The following PRELID2 variants were observed in gnomAD, a reference collection of about 807,000 sequenced individuals.
The protein encoded by PRELID2 is PRELI domain containing 2.
Under a neutral mutation model 28.4 loss-of-function variants are expected in PRELID2, and 25 were observed. The ratio of observed to expected loss-of-function variants is 0.88; its 90% CI spans 0.64 to 1.23. The LOEUF is 1.23. PRELID2 is among the 50% of genes most tolerant of loss of function. The pLI, the probability that PRELID2 is intolerant of heterozygous loss-of-function variation, is 0.00. For synonymous variants in PRELID2, 76 were observed against 71.6 expected (o/e 1.06, Z -0.31); for missense variants, 201 against 214.4 (o/e 0.94, Z 0.39).
chr5:145,431,396 A>G, the PRELID2 span, among the ~76,000 whole-genome samples: 24 of 152,280 alleles, frequency 1.6e-4, no homozygotes, highest in East Asian at 3.9e-3. Context: ...GGATAAACTG[A>G]AAGTTTGATG....
the PRELID2 span, among the ~76,000 whole-genome samples, chr5:145,360,090 T>C: frequency 6.6e-6 from 1 of 152,050 alleles, no homozygotes; most frequent in South Asian, 2.1e-4. Context: ...ACTATATCAC[T>C]AGGGAACCAG....
At chr5:145,291,337 GAAAAAAA>G in the PRELID2 span, among the ~76,000 whole-genome samples, 23 of 41,732 alleles carry the variant, frequency 5.5e-4, no homozygotes, top group South Asian at 1.9e-3. Context: ...CTCTGTTTCA[GAAAAAAA>G]AAAAAAAAAA....
chr5:145,461,150 C>A, the PRELID2 span, among the ~76,000 whole-genome samples: 10 of 152,284 alleles, frequency 6.6e-5, no homozygotes, highest in Admixed American at 1.3e-4. Flanking sequence ...GTCCTATTTT[C>A]AATCTGGCCT....
At chr5:145,738,630 C>G (rs1756563784) in intron 1 of PRELID2, among the ~76,000 whole-genome samples, 1 of 151,816 alleles carries the variant, frequency 6.6e-6, no homozygotes, top group Non-Finnish European at 1.5e-5. Context: ...ATTACTCAAT[C>G]TAAACAAGAG....
chr5:145,554,627 C>T (rs530477273), intron 1 of PRELID2, among the ~76,000 whole-genome samples: 116 of 152,312 alleles, frequency 7.6e-4, no homozygotes, highest in Non-Finnish European at 1.3e-3. Context: ...ATATTATAAC[C>T]ACACAATGTG....
chr5:145,639,291 AAAGTAAC>A (rs1754055570), intron 1 of PRELID2, among the ~76,000 whole-genome samples: 1 of 152,198 alleles, frequency 6.6e-6, no homozygotes, highest in African/African-American at 2.4e-5. Flanking sequence ...GATGTGGAGG[AAAGTAAC>A]ATAATTATAA....
intron 1 of PRELID2, among the ~76,000 whole-genome samples, chr5:145,528,762 C>T (rs558603704): frequency 1.3e-5 from 2 of 151,818 alleles, no homozygotes; most frequent in Admixed American, 6.6e-5. Context: ...GTAAGTCACT[C>T]TCACTCACAC....
At chr5:145,229,829 C>A in the PRELID2 span, 1 of 759,956 alleles carries the variant, frequency 1.3e-6, no homozygotes, top group Non-Finnish European at 2.4e-6. Flanking sequence ...GCCCCTGCAT[C>A]GCCAAGTCCC....
chr5:145,824,210 G>C (rs1320308742), intron 1 of PRELID2, among the ~76,000 whole-genome samples: 2 of 152,094 alleles, frequency 1.3e-5, no homozygotes, highest in South Asian at 2.1e-4. Context: ...CTTCCCTGAG[G>C]TTTACCGACG....
At chr5:145,412,089 G>A in the PRELID2 span, among the ~76,000 whole-genome samples, 14 of 152,046 alleles carry the variant, frequency 9.2e-5, no homozygotes, top group Non-Finnish European at 1.9e-4. Flanking sequence ...TGATGGGAGG[G>A]GCTGCTGTGA....
At chr5:145,746,397 C>T (rs950652814) in intron 1 of PRELID2, among the ~76,000 whole-genome samples, 1 of 152,118 alleles carries the variant, frequency 6.6e-6, no homozygotes, top group African/African-American at 2.4e-5. Context: ...TCTGACAAAA[C>T]AGACTTTAAA....
At chr5:145,823,623 A>G (rs911597851) in intron 1 of PRELID2, among the ~76,000 whole-genome samples, 3 of 152,158 alleles carry the variant, frequency 2.0e-5, no homozygotes, top group African/African-American at 4.8e-5. Flanking sequence ...GAGCCAGGGA[A>G]TTAAACCAGG....
chr5:145,730,213 C>G (rs542041556), intron 1 of PRELID2, among the ~76,000 whole-genome samples: 148 of 152,232 alleles, frequency 9.7e-4, no homozygotes, highest in African/African-American at 3.5e-3. Flanking sequence ...TGTTCCAAGA[C>G]TCTTTTACAT....
At chr5:145,481,465 A>G (rs1752158316) in intron 1 of PRELID2, among the ~76,000 whole-genome samples, 1 of 151,800 alleles carries the variant, frequency 6.6e-6, no homozygotes, top group Non-Finnish European at 1.5e-5. Context: ...TTTGCCTGAA[A>G]ATATTATTTG....
chr5:145,778,522 A>G (rs1758562868), intron 5 of PRELID2, among the ~76,000 whole-genome samples: 1 of 152,158 alleles, frequency 6.6e-6, no homozygotes, highest in Non-Finnish European at 1.5e-5. Context: ...CAGAACAAGA[A>G]CTCAGTACCC....
At chr5:145,634,793 A>T (rs1229554914) in intron 1 of PRELID2, among the ~76,000 whole-genome samples, 1 of 152,216 alleles carries the variant, frequency 6.6e-6, no homozygotes, top group African/African-American at 2.4e-5. Flanking sequence ...GGCACTAAAT[A>T]AATGTTGAAT....
chr5:145,321,096 C>G, the PRELID2 span, among the ~76,000 whole-genome samples: 2 of 152,182 alleles, frequency 1.3e-5, no homozygotes, highest in Non-Finnish European at 2.9e-5. Flanking sequence ...AGGCCTTTTG[C>G]TTCCAAGCCC....
chr5:145,350,112 C>T, the PRELID2 span, among the ~76,000 whole-genome samples: 1 of 152,116 alleles, frequency 6.6e-6, no homozygotes, highest in Non-Finnish European at 1.5e-5. Flanking sequence ...TTTAAATATT[C>T]TGAATCTTAA....
the PRELID2 span, among the ~76,000 whole-genome samples, chr5:145,376,854 AT>A: frequency 6.6e-6 from 1 of 151,536 alleles, no homozygotes; most frequent in East Asian, 1.9e-4. Context: ...GGGTTTGTGG[AT>A]TTTTTGAATG....
Sources: allele counts gnomAD v4.1 joint callset (sites outside exome capture counted in the v4.1 genomes callset), GRCh38; gene constraint gnomAD v4.1.1; transcripts MANE v1.5; gene names NCBI Gene and HGNC (gene_info 2026-07-23, HGNC 2026-07-21).